The following MRE11 variants were observed in gnomAD, a reference collection of about 807,000 sequenced individuals.
MRE11 encodes the protein double-strand break repair protein MRE11.
Under a neutral mutation model 91.7 loss-of-function variants are expected in MRE11, and 62 were observed. The observed-to-expected ratio is 0.68, with a 90% CI of 0.55 to 0.84. The LOEUF is 0.84. Ranked by LOEUF, MRE11 falls within the 40% of genes least tolerant of loss-of-function variation. MRE11 has a pLI of 0.00. For missense variants in MRE11, 796 were observed against 852.9 expected, an observed-to-expected ratio of 0.93 and a Z score of 0.83; for synonymous variants, 273 against 271.4, an observed-to-expected ratio of 1.01 and a Z score of -0.06.
chr11:94,493,513 G>A (rs2135152759), intron 1 of MRE11: 1 of 152,250 alleles, frequency 6.6e-6, no homozygotes, highest in East Asian at 1.9e-4. Flanking sequence ...ATTCCGTCGG[G>A]ATTCCAAGCC....
At chr11:94,446,002 G>A (rs755678685) in intron 15 of MRE11, 109 bp from the exon 16 acceptor site, 17 of 840,144 alleles carry the variant, frequency 2.0e-5, no homozygotes, top group Admixed American at 3.8e-5. Context: ...TAGTTTGTCT[G>A]TAAAAAGCCA....
At chr11:94,421,363 C>A (rs1945167842) in intron 19 of MRE11, among the ~76,000 whole-genome samples, 1 of 152,106 alleles carries the variant, frequency 6.6e-6, no homozygotes, top group African/African-American at 2.4e-5. Context: ...GTAATGGATG[C>A]CTTAAGAAAT....
chr11:94,464,941 C>A (rs1174178916), intron 10 of MRE11, among the ~76,000 whole-genome samples: 1 of 152,160 alleles, frequency 6.6e-6, no homozygotes, highest in East Asian at 1.9e-4. Flanking sequence ...TGCTCCCTAA[C>A]TAAAGTGCTC....
rs757344068 is a variant in MRE11, at chr11:94,478,790, G to T, written c.489C>A (p.Asp163Glu). 6.2e-7 allele frequency: 1 copy of T among 1,613,556 alleles called. No homozygotes were observed. Among genetic ancestry groups the T allele is most frequent in the Non-Finnish European group, 8.5e-7 (1 of 1,179,888 alleles). Residue 163 changes from aspartate (D) to glutamate (E), a missense_variant, in exon 6 of 20, where the codon GAC (aspartate) becomes GAA (glutamate). By Grantham distance (45) the Asp-to-Glu change is conservative. Coordinates refer to ENST00000323929, the MANE Select transcript of MRE11 (RefSeq NM_005591.4). ...FGRSMSVEKIDISPVLLQKGS... is the reference protein window; with the variant it reads ...FGRSMSVEKIEISPVLLQKGS... ...CTTTTTGAAGCAAAACCGGACTAATGTCTATCTTCTCCACAGACATTGAAC... is the reference window on the plus strand; with the variant it reads ...CTTTTTGAAGCAAAACCGGACTAATTTCTATCTTCTCCACAGACATTGAAC...
chr11:94,497,216 A>G, upstream of MRE11: 1 of 535,866 alleles, frequency 1.9e-6, no homozygotes, highest in Non-Finnish European at 3.3e-6. Flanking sequence ...ATCATTTAGG[A>G]AAGAGAGGAT....
rs11020793 is a variant in MRE11, at chr11:94,467,879, A to C, written c.1032T>G (p.Leu344=). ...SFCLEKIEEM[L]ENAERERLGN... ...CCAGACGTTCCCGTTCAGCATTTTCAAGCATTTCTTCAATCTCAAAATTTT... is the reference window on the plus strand; with the variant it reads ...CCAGACGTTCCCGTTCAGCATTTTCCAGCATTTCTTCAATCTCAAAATTTT... Residue 344 remains leucine (L), a synonymous_variant, in exon 10 of 20, where the codon CTT becomes CTG. Coordinates refer to ENST00000323929, the MANE Select transcript of MRE11 (RefSeq NM_005591.4). 2,555 of 1,613,618 alleles carry C rather than the reference A, an allele frequency of 1.6e-3. 27 individuals are homozygous for C. The African/African-American group carries it at 0.03, about 19-fold the overall frequency.
chr11:94,460,482 C>A (rs10831230), intron 12 of MRE11, among the ~76,000 whole-genome samples: 18,240 of 152,070 alleles, frequency 0.12, 1,229 homozygotes, highest in South Asian at 0.19. Context: ...AACAGAGATA[C>A]AAATAAAGTA....
At chr11:94,483,128 CA>C (rs545618926) in intron 4 of MRE11, among the ~76,000 whole-genome samples, 340 of 150,630 alleles carry the variant, frequency 2.3e-3, no homozygotes, top group Non-Finnish European at 4.0e-3. Context: ...GACAAAATCT[CA>C]AAAAAAAATT....
rs876659796 is a variant in MRE11 at position 94,464,195 on chromosome 11, A to G, written c.1143T>C (p.Phe381=). The G allele has an allele frequency of 6.2e-7, 1 of 1,613,996 alleles. No homozygotes were observed. Among genetic ancestry groups the G allele is most frequent in the Non-Finnish European group, 8.5e-7 (1 of 1,179,946 alleles). ...GGFEPFSVLR[F]SQKFVDRVAN... ...CTACCCGATCCACAAATTTCTGGCT[A>G]AAGCGAAGAACACTGAAAGGTTCAA... is the stretch of plus-strand genomic sequence containing the variant. Residue 381 remains phenylalanine, a synonymous_variant, in exon 11 of 20, where the codon TTT becomes TTC. Transcript: ENST00000323929.
At chr11:94,466,289 A>G (rs940588077) in intron 10 of MRE11, among the ~76,000 whole-genome samples, 24 of 152,156 alleles carry the variant, frequency 1.6e-4, no homozygotes, top group African/African-American at 5.8e-4. Context: ...GACATGCAAA[A>G]CTGTGTTTTA....
chr11:94,496,549 G>C, upstream of MRE11: 1 of 746,238 alleles, frequency 1.3e-6, no homozygotes, highest in Non-Finnish European at 2.1e-6. Flanking sequence ...TATCTATGCA[G>C]TTGATAAAGC....
chr11:94,430,254 C>T lies in MRE11; in HGVS notation c.1995-268G>A, dbSNP rs143471834. ...TGCTTCAATTTCCTCATCTGTAAAACGGGGATAATGGTTTTATAAAGACTA... is the reference window on the plus strand; with the variant it reads ...TGCTTCAATTTCCTCATCTGTAAAATGGGGATAATGGTTTTATAAAGACTA... On this transcript the variant is annotated intron_variant, in intron 18 of 19. Coordinates refer to ENST00000323929, the MANE Select transcript of MRE11 (RefSeq NM_005591.4). Among the ~76,000 whole-genome samples the T allele has an allele frequency of 9.7e-3, 1,482 of 152,146 alleles. 73 individuals carry two copies. Among genetic ancestry groups the T allele is most frequent in the Admixed American group, 0.084 (1,289 of 15,274 alleles).
intron 19 of MRE11, among the ~76,000 whole-genome samples, chr11:94,425,923 T>C (rs1228243977): frequency 6.6e-6 from 1 of 152,102 alleles, no homozygotes; most frequent in Non-Finnish European, 1.5e-5. Flanking sequence ...AGAAAGAACA[T>C]CCAGGCAGAA....
chr11:94,422,307 T>C (rs1945191208), intron 19 of MRE11, among the ~76,000 whole-genome samples: 2 of 152,288 alleles, frequency 1.3e-5, no homozygotes, highest in South Asian at 2.1e-4. Context: ...GGAGATTTCA[T>C]GGTTGCAGAC....
chr11:94,509,724 C>T, the MRE11 span, among the ~76,000 whole-genome samples: 1 of 152,208 alleles, frequency 6.6e-6, no homozygotes, highest in Non-Finnish European at 1.5e-5. Flanking sequence ...CAGGCGTGAC[C>T]CACCTTGCCT....
the MRE11 span, among the ~76,000 whole-genome samples, chr11:94,503,772 AGCCGAGATCCC>A: frequency 7.0e-6 from 1 of 143,174 alleles, no homozygotes; most frequent in Non-Finnish European, 1.5e-5. Flanking sequence ...ACTTGCAGTG[AGCCGAGATCCC>A]GCCACTGCAC....
upstream of MRE11, chr11:94,498,721 A>C: frequency 1.7e-6 from 1 of 595,878 alleles, no homozygotes; most frequent in South Asian, 2.2e-5. Flanking sequence ...ATATATCTTT[A>C]ATTATTTCTG....
intron 14 of MRE11, among the ~76,000 whole-genome samples, chr11:94,452,361 G>C (rs1946133149): frequency 6.6e-6 from 1 of 152,002 alleles, no homozygotes; most frequent in Admixed American, 6.6e-5. Flanking sequence ...ACAACAGTAG[G>C]AAATAATTTC....
At chr11:94,458,128 C>T (rs925299453) in intron 13 of MRE11, among the ~76,000 whole-genome samples, 1 of 151,440 alleles carries the variant, frequency 6.6e-6, no homozygotes, top group Non-Finnish European at 1.5e-5. Flanking sequence ...CACATTGACA[C>T]CATAAGGCTT....
Sources: gnomAD v4.1 joint callset for allele counts (sites outside exome capture counted in the v4.1 genomes callset) on GRCh38, gnomAD v4.1.1 for gene constraint, MANE v1.5 for transcripts, NCBI Gene and HGNC (gene_info 2026-07-23, HGNC 2026-07-21) for gene names.